The following ZNF569 variants were observed in gnomAD, a reference collection of about 807,000 sequenced individuals.
The protein encoded by ZNF569 is DNA-binding protein.
A neutral mutation model predicts 56.3 loss-of-function variants in ZNF569; 38 were observed. The ratio of observed to expected loss-of-function variants is 0.68; its 90% CI spans 0.52 to 0.88. The LOEUF (loss-of-function observed/expected upper bound fraction) is 0.88. Among genes scored for constraint, ZNF569 ranks in the 40% least tolerant of loss-of-function variants. The probability of loss-of-function intolerance (pLI) is 0.00; values close to 1 mark genes in which losing one functional copy is unlikely to be tolerated. For synonymous variants in ZNF569, 241 were observed against 262.9 expected, an observed-to-expected ratio of 0.92 and a Z score of 0.81; for missense variants, 666 against 809.2, an observed-to-expected ratio of 0.82 and a Z score of 2.15.
At chr19:37,465,909 G>A (rs962098557) in intron 1 of ZNF569, among the ~76,000 whole-genome samples, 3 of 152,124 alleles carry the variant, frequency 2.0e-5, no homozygotes, top group Admixed American at 6.5e-5. Flanking sequence ...AGGGGTAAAC[G>A]TATACCATGA....
intron 2 of ZNF569, among the ~76,000 whole-genome samples, chr19:37,449,804 C>T (rs1219005723): frequency 6.6e-6 from 1 of 151,970 alleles, no homozygotes; most frequent in Non-Finnish European, 1.5e-5. Context: ...TTAGATGAAT[C>T]TTGCTCTTTT....
At chr19:37,458,552 T>C (rs574030519) in intron 2 of ZNF569, among the ~76,000 whole-genome samples, 1 of 152,346 alleles carries the variant, frequency 6.6e-6, no homozygotes, top group South Asian at 2.1e-4. Context: ...TCCGTCTATG[T>C]AGATCTATTT....
chr19:37,412,540 A>C lies in ZNF569; in HGVS notation c.*57T>G. The C allele has an allele frequency of 6.6e-7, 1 of 1,522,498 alleles. No individual in the cohort carries two copies. Among genetic ancestry groups the C allele is most frequent in the Non-Finnish European group, 8.8e-7 (1 of 1,138,708 alleles). The allele number at this position is 1,522,498 out of a possible 1,614,324, so 94.3% of individuals were successfully genotyped here. On this transcript the variant is annotated 3_prime_UTR_variant, in exon 6 of 6. Coordinates refer to ENST00000316950, the MANE Select transcript of ZNF569 (RefSeq NM_152484.3). Reference sequence around the variant, plus strand: ...CTCTGGAAGTGATCATGTAATGTGCAATGAGGTGTTAATTCCTTCAGATGG... The same window carrying C: ...CTCTGGAAGTGATCATGTAATGTGCCATGAGGTGTTAATTCCTTCAGATGG...
intron 2 of ZNF569, among the ~76,000 whole-genome samples, chr19:37,446,631 C>T (rs1322674245): frequency 6.7e-6 from 1 of 150,066 alleles, no homozygotes; most frequent in Non-Finnish European, 1.5e-5. Context: ...GGATCAAAGA[C>T]TTAAATCTAA....
intron 3 of ZNF569, among the ~76,000 whole-genome samples, chr19:37,444,623 A>G (rs1176393678): frequency 1.3e-5 from 2 of 152,082 alleles, no homozygotes; most frequent in African/African-American, 4.8e-5. Context: ...GAAAATGTTG[A>G]TTTTTTATTG....
chr19:37,450,795 T>A (rs1039279051), intron 2 of ZNF569, among the ~76,000 whole-genome samples: 1 of 152,200 alleles, frequency 6.6e-6, no homozygotes, highest in African/African-American at 2.4e-5. Context: ...CTGCTTTTGC[T>A]GCAACTTATA....
At chr19:37,468,806 G>A (rs996860331), upstream of ZNF569, among the ~76,000 whole-genome samples, 2 of 152,236 alleles carry the variant, frequency 1.3e-5, no homozygotes, top group Non-Finnish European at 2.9e-5. Context: ...GTGCCAGGCT[G>A]AGGGTAGCGG....
chr19:37,444,509 T>G (rs2041461015), intron 3 of ZNF569, among the ~76,000 whole-genome samples: 1 of 152,200 alleles, frequency 6.6e-6, no homozygotes, highest in South Asian at 2.1e-4. Flanking sequence ...TGTTTTATCC[T>G]TGATCGAAAG....
intron 2 of ZNF569, among the ~76,000 whole-genome samples, chr19:37,456,790 A>G (rs2041676963): frequency 6.6e-6 from 1 of 152,054 alleles, no homozygotes; most frequent in African/African-American, 2.4e-5. Context: ...AACATAGTGA[A>G]ACCTCACCTC....
chr19:37,440,545 C>T (rs1435954136), intron 3 of ZNF569, among the ~76,000 whole-genome samples: 1 of 151,708 alleles, frequency 6.6e-6, no homozygotes, highest in Non-Finnish European at 1.5e-5. Context: ...ACCACTGAAT[C>T]GTAGAATGAT....
In ZNF569 at chr19:37,465,314, T is replaced by G. The variant is rs1343207579; in HGVS notation, c.-45A>C. On this transcript the variant is annotated splice_region_variant and 5_prime_UTR_variant, in exon 2 of 6. Coordinates refer to ENST00000316950, the MANE Select transcript of ZNF569 (RefSeq NM_152484.3). The stretch of plus-strand genomic sequence containing the variant: ...ATACTTCATACTTAATTTACTTACC[T>G]TGTTTATTATCCAGCCCACAAAAAT... 6.6e-6 allele frequency: 1 copy of G among 152,220 alleles called. No individual in the cohort carries two copies. The highest frequency in any genetic ancestry group is 1.5e-5 in the Non-Finnish European group (1 of 68,044). The allele number at this position is 152,220 out of a possible 1,614,324, so 9.4% of individuals were successfully genotyped here.
Position 37,414,301 on chromosome 19 carries a change from A to C in ZNF569, c.357T>G (p.Phe119Leu). The part of the protein sequence containing the change: ...EEKGNECQKK[F>L]ANVFPLNSDF... ...CAGAGTTCAGAGGAAATACATTTGCAAATTTCTTTTGACATTCATTGCCTT... is the reference window on the plus strand; with the variant it reads ...CAGAGTTCAGAGGAAATACATTTGCCAATTTCTTTTGACATTCATTGCCTT... The change falls in exon 6 of 6, where the codon TTT becomes TTG. Residue 119 changes from phenylalanine to leucine, a missense_variant. By Grantham distance (22) the Phe-to-Leu change is conservative. Transcript: ENST00000316950. 1.2e-6 allele frequency: 2 copies of C among 1,613,658 alleles called. No individual in the cohort carries two copies. Among genetic ancestry groups the C allele is most frequent in the South Asian group, 2.2e-5 (2 of 91,002 alleles).
intron 3 of ZNF569, among the ~76,000 whole-genome samples, chr19:37,432,807 C>A (rs2146908226): frequency 6.6e-6 from 1 of 150,774 alleles, no homozygotes; most frequent in South Asian, 2.1e-4. Flanking sequence ...AGAATGCTAT[C>A]AGATAAATTT....
intron 3 of ZNF569, chr19:37,427,677 T>C: frequency 2.4e-6 from 1 of 410,116 alleles, no homozygotes; most frequent in South Asian, 1.8e-5. Context: ...GATCAGCTCC[T>C]GAAAGCCCTT....
At chr19:37,418,695 G>A (rs1474008752) in intron 5 of ZNF569, among the ~76,000 whole-genome samples, 1 of 152,142 alleles carries the variant, frequency 6.6e-6, no homozygotes, top group African/African-American at 2.4e-5. Flanking sequence ...ATGGAAGTCT[G>A]TAAGGCAAAC....
intron 2 of ZNF569, among the ~76,000 whole-genome samples, chr19:37,452,184 C>T (rs1026265159): frequency 6.6e-6 from 1 of 151,990 alleles, no homozygotes; most frequent in African/African-American, 2.4e-5. Context: ...TAATCACATA[C>T]AAAAACTCTT....
intron 3 of ZNF569, among the ~76,000 whole-genome samples, chr19:37,429,307 G>A (rs2041187870): frequency 6.6e-6 from 1 of 152,160 alleles, no homozygotes; most frequent in Non-Finnish European, 1.5e-5. Flanking sequence ...TACCAGAGTC[G>A]AGAGCAAACA....
intron 2 of ZNF569, among the ~76,000 whole-genome samples, chr19:37,460,824 AAAAC>A (rs1419605095): frequency 6.6e-6 from 1 of 152,138 alleles, no homozygotes; most frequent in Non-Finnish European, 1.5e-5. Flanking sequence ...AGAAATGAAA[AAAAC>A]AAACAAAAGG....
At chr19:37,439,778 T>C (rs1435398769) in intron 3 of ZNF569, among the ~76,000 whole-genome samples, 3 of 152,178 alleles carry the variant, frequency 2.0e-5, no homozygotes, top group Admixed American at 2.0e-4. Flanking sequence ...CTGGAGATCA[T>C]TACGTTAAGT....
Sources: allele counts gnomAD v4.1 joint callset (sites outside exome capture counted in the v4.1 genomes callset), GRCh38; gene constraint gnomAD v4.1.1; transcripts MANE v1.5; gene names NCBI Gene and HGNC (gene_info 2026-07-23, HGNC 2026-07-21).